Variants in PTGFR observed in about 807,000 individuals in gnomAD.
The protein encoded by PTGFR is prostaglandin F receptor.
A neutral mutation model predicts 26.2 loss-of-function variants in PTGFR; 15 were observed. The ratio of observed to expected loss-of-function variants is 0.57; its 90% confidence interval spans 0.38 to 0.88. The LOEUF is 0.88. Among genes scored for constraint, PTGFR ranks in the 40% least tolerant of loss-of-function variants. The pLI is 0.00. For synonymous variants in PTGFR, 165 were observed against 151.1 expected (o/e 1.09, Z -0.68); for missense variants, 369 against 427.2 (o/e 0.86, Z 1.20).
chr1:78,516,998 G>T (rs1650102882), intron 2 of PTGFR, among the ~76,000 whole-genome samples: 1 of 152,120 alleles, frequency 6.6e-6, no homozygotes, highest in African/African-American at 2.4e-5. Flanking sequence ...TGCAAAATCT[G>T]ATGTGTTTGC....
intron 2 of PTGFR, among the ~76,000 whole-genome samples, chr1:78,536,109 A>G (rs1176668818): frequency 5.9e-5 from 9 of 152,168 alleles, no homozygotes; most frequent in Admixed American, 1.3e-4. Context: ...TCTCAGAAGT[A>G]TGAGAAGGTC....
At position 78,493,064 on chromosome 1, in the gene PTGFR, T is replaced by C. The variant is rs1337480769; in HGVS notation, c.321T>C (p.Leu107=). The part of the protein sequence containing the change: ...EWIRFDQSNV[L]CSIFGICMVF... ...TCCGCTTTGACCAATCAAATGTCCTTTGCAGTATTTTTGGTATCTGCATGG... is the reference window on the plus strand; with the variant it reads ...TCCGCTTTGACCAATCAAATGTCCTCTGCAGTATTTTTGGTATCTGCATGG... Residue 107 remains leucine (L), a synonymous_variant, in exon 2 of 3, where the codon CTT becomes CTC. Coordinates refer to ENST00000370757, the MANE Select transcript of PTGFR (RefSeq NM_000959.4). 6.2e-7 allele frequency: 1 copy of C among 1,614,280 alleles called. No individual in the cohort carries two copies. The highest frequency in any genetic ancestry group is 8.5e-7 in the Non-Finnish European group (1 of 1,180,056).
At chr1:78,491,997 C>A (rs1041305206) in intron 1 of PTGFR, among the ~76,000 whole-genome samples, 1 of 152,312 alleles carries the variant, frequency 6.6e-6, no homozygotes, top group Non-Finnish European at 1.5e-5. Flanking sequence ...GAGCGTGGCC[C>A]GCCCCCTTCC....
intron 1 of PTGFR, among the ~76,000 whole-genome samples, chr1:78,492,396 G>T (rs1649424342): frequency 6.6e-6 from 1 of 152,212 alleles, no homozygotes; most frequent in African/African-American, 2.4e-5. Context: ...TAAGGTGTCA[G>T]TGACGTGTCA....
chr1:78,536,663 T>C lies in PTGFR; in HGVS notation c.1056T>C (p.Val352=). The C allele has an allele frequency of 6.2e-7, 1 of 1,612,536 alleles. No individual in the cohort carries two copies. Among genetic ancestry groups the C allele is most frequent in the Non-Finnish European group, 8.5e-7 (1 of 1,179,292 alleles). ...LKVAAISESP[V]AEKSAST The stretch of plus-strand genomic sequence containing the variant: ...TTGCTGCTATTTCTGAGTCACCAGT[T>C]GCAGAGAAATCAGCAAGCACCTAGC... Residue 352 remains valine (V), a synonymous_variant, in exon 3 of 3, where the codon GTT becomes GTC. Coordinates refer to ENST00000370757, the MANE Select transcript of PTGFR (RefSeq NM_000959.4).
Position 78,492,960 on chromosome 1 carries a change from C to T in PTGFR, c.217C>T (p.Leu73=), listed in dbSNP as rs1312481415. ...KASFLLLASG[L]VITDFFGHLI... ...ATCGTTTCTGCTTTTGGCCAGTGGCCTGGTAATCACTGATTTCTTTGGCCA... is the reference window on the plus strand; with the variant it reads ...ATCGTTTCTGCTTTTGGCCAGTGGCTTGGTAATCACTGATTTCTTTGGCCA... The change falls in exon 2 of 3, where the codon CTG becomes TTG. Residue 73 remains leucine, a synonymous_variant. Coordinates refer to ENST00000370757, the MANE Select transcript of PTGFR (RefSeq NM_000959.4). 6.2e-7 allele frequency: 1 copy of T among 1,614,230 alleles called. No homozygotes were observed. Among genetic ancestry groups the T allele is most frequent in the Admixed American group, 1.7e-5 (1 of 60,028 alleles).
chr1:78,497,399 G>A (rs895864095), intron 2 of PTGFR, among the ~76,000 whole-genome samples: 4 of 152,010 alleles, frequency 2.6e-5, no homozygotes, highest in East Asian at 1.9e-4. Flanking sequence ...AAATTGTCTC[G>A]CGTTCTTCCT....
At chr1:78,498,131 T>C (rs947745979) in intron 2 of PTGFR, among the ~76,000 whole-genome samples, 6 of 152,158 alleles carry the variant, frequency 3.9e-5, no homozygotes, top group Non-Finnish European at 5.9e-5. Flanking sequence ...ACTAAAGGTA[T>C]TGGCTTCATA....
chr1:78,500,377 T>C (rs904101717), intron 2 of PTGFR, among the ~76,000 whole-genome samples: 6 of 152,226 alleles, frequency 3.9e-5, no homozygotes, highest in African/African-American at 1.4e-4. Flanking sequence ...AGATCTTCCT[T>C]TTCTCAAGGG....
At position 78,539,837 on chromosome 1, in the gene PTGFR, G is replaced by T. The variant is rs971738287; in HGVS notation, c.*3150G>T. Reference sequence around the variant, plus strand: ...CGTTTTATCTGCTACTGGATGAGAAGAATTTCAACTTAATTTCCATTATTA... The same window carrying T: ...CGTTTTATCTGCTACTGGATGAGAATAATTTCAACTTAATTTCCATTATTA... On this transcript the variant is annotated 3_prime_UTR_variant, in exon 3 of 3. Transcript: ENST00000370757. 2 of 152,172 alleles carry T rather than the reference G, an allele frequency of 1.3e-5. No homozygotes were observed. The highest frequency in any genetic ancestry group is 2.9e-5 in the Non-Finnish European group (2 of 67,986). 9.4% of individuals were successfully genotyped at this position (152,172 alleles called of 1,614,324 possible).
At chr1:78,518,065 C>T (rs1650134750) in intron 2 of PTGFR, among the ~76,000 whole-genome samples, 1 of 152,076 alleles carries the variant, frequency 6.6e-6, no homozygotes, top group Admixed American at 6.6e-5. Flanking sequence ...CACCATGGCA[C>T]ATGTACACCT....
Position 78,536,520 on chromosome 1 carries a change from A to G in PTGFR, c.913A>G (p.Ile305Val). 1 of 1,613,364 alleles carries G rather than the reference A, an allele frequency of 6.2e-7. No individual in the cohort carries two copies. The highest frequency in any genetic ancestry group is 8.5e-7 in the Non-Finnish European group (1 of 1,179,500). ...WNQILDPWVYILLRKAVLKNL... is the reference protein window; with the variant it reads ...WNQILDPWVYVLLRKAVLKNL... The stretch of plus-strand genomic sequence containing the variant: ...TCAAATCTTAGATCCTTGGGTATAT[A>G]TTCTTCTACGAAAGGCTGTCCTTAA... The change falls in exon 3 of 3, where the codon ATT becomes GTT. Residue 305 changes from isoleucine to valine, a missense_variant. Coordinates refer to ENST00000370757, the MANE Select transcript of PTGFR (RefSeq NM_000959.4).
Position 78,536,685 on chromosome 1 carries a change from T to C in PTGFR, c.1078T>C (p.Ter360GlnextTer23), listed in dbSNP as rs763652730. 1 of 1,610,836 alleles carries C rather than the reference T, an allele frequency of 6.2e-7. No homozygotes were observed. The highest frequency in any genetic ancestry group is 8.5e-7 in the Non-Finnish European group (1 of 1,178,672). Residue 360 changes from the stop codon to glutamine (Q), a stop_lost, in exon 3 of 3, where the codon TAG (stop) becomes CAG (glutamine). Coordinates refer to ENST00000370757, the MANE Select transcript of PTGFR (RefSeq NM_000959.4). Reference sequence around the variant, plus strand: ...AGTTGCAGAGAAATCAGCAAGCACCTAGCTTAATAGGACAGTAAATCTGTG... The same window carrying C: ...AGTTGCAGAGAAATCAGCAAGCACCCAGCTTAATAGGACAGTAAATCTGTG... ...SPVAEKSAST* is the reference protein window; with the variant it reads ...SPVAEKSASTQ
chr1:78,517,311 A>C (rs1320227648), intron 2 of PTGFR, among the ~76,000 whole-genome samples: 1 of 152,130 alleles, frequency 6.6e-6, no homozygotes, highest in Non-Finnish European at 1.5e-5. Context: ...GAACAAGGCA[A>C]TATCCCTTCT....
chr1:78,515,319 G>A (rs1650068139), intron 2 of PTGFR, among the ~76,000 whole-genome samples: 1 of 152,082 alleles, frequency 6.6e-6, no homozygotes. Flanking sequence ...GGATTAACGT[G>A]CTATCATGAC....
intron 2 of PTGFR, among the ~76,000 whole-genome samples, chr1:78,521,179 A>G (rs1054053195): frequency 9.9e-5 from 15 of 152,074 alleles, no homozygotes; most frequent in African/African-American, 3.1e-4. Context: ...TGCTTTAATT[A>G]TACTCCAAAG....
intron 2 of PTGFR, among the ~76,000 whole-genome samples, chr1:78,511,847 C>A (rs983942688): frequency 1.3e-5 from 2 of 152,152 alleles, no homozygotes; most frequent in African/African-American, 4.8e-5. Flanking sequence ...TGTATCTGAT[C>A]ATAGGCTGTT....
intron 2 of PTGFR, among the ~76,000 whole-genome samples, chr1:78,513,080 G>A (rs1366086836): frequency 1.3e-5 from 2 of 152,146 alleles, no homozygotes; most frequent in Admixed American, 6.5e-5. Context: ...ATTTTTTATA[G>A]CAATGTGAGA....
intron 2 of PTGFR, among the ~76,000 whole-genome samples, chr1:78,534,680 A>AAAC (rs1650603328): frequency 6.7e-6 from 1 of 150,162 alleles, no homozygotes; most frequent in Non-Finnish European, 1.5e-5. Flanking sequence ...TTTTCTATGA[A>AAAC]CAAAATTACA....
Sources: allele counts gnomAD v4.1 joint callset (sites outside exome capture counted in the v4.1 genomes callset), GRCh38; gene constraint gnomAD v4.1.1; transcripts MANE v1.5; gene names NCBI Gene and HGNC (gene_info 2026-07-23, HGNC 2026-07-21).